The following CXADR variants were observed in gnomAD, a reference collection of about 807,000 sequenced individuals.
CXADR encodes coxsackievirus and adenovirus receptor.
CXADR carries 20 observed loss-of-function variants against 40.3 expected under a neutral mutation model. The observed-to-expected ratio is 0.50, with a 90% CI of 0.35 to 0.72. The LOEUF (loss-of-function observed/expected upper bound fraction) is 0.72. CXADR is among the 30% of genes least tolerant of loss of function. The pLI, the probability that CXADR is intolerant of heterozygous loss-of-function variation, is 0.01. For missense variants in CXADR, 332 were observed against 449.1 expected, an observed-to-expected ratio of 0.74 and a Z score of 2.36; for synonymous variants, 150 against 161.3, an observed-to-expected ratio of 0.93 and a Z score of 0.53.
chr21:17,604,931 G>A, the CXADR span: 2 of 1,614,144 alleles, frequency 1.2e-6, no homozygotes, highest in Non-Finnish European at 1.7e-6. Context: ...TATACAAGAT[G>A]CAGCTGTTTT....
intron 3 of CXADR, among the ~76,000 whole-genome samples, chr21:17,557,350 GC>G (rs1263962633): frequency 6.6e-6 from 1 of 152,126 alleles, no homozygotes; most frequent in Admixed American, 6.5e-5. Context: ...CCTCCTCACA[GC>G]TCCCACTTCC....
intron 1 of CXADR, among the ~76,000 whole-genome samples, chr21:17,537,934 C>T (rs1375806310): frequency 4.6e-5 from 7 of 152,006 alleles, no homozygotes; most frequent in Admixed American, 1.3e-4. Context: ...GACATATGTT[C>T]TGGAGGAAGG....
intron 3 of CXADR, among the ~76,000 whole-genome samples, chr21:17,553,511 G>A (rs2060995854): frequency 6.6e-6 from 1 of 151,926 alleles, no homozygotes; most frequent in African/African-American, 2.4e-5. Context: ...ATATGGTAAT[G>A]TTGGAAATTT....
chr21:17,569,138 A>G lies in CXADR; in HGVS notation c.*3446A>G. 1.0e-6 allele frequency: 1 copy of G among 985,384 alleles called. No individual in the cohort carries two copies. Among genetic ancestry groups the G allele is most frequent in the Non-Finnish European group, 1.2e-6 (1 of 829,920 alleles). The allele number at this position is 985,384 out of a possible 1,614,324, so 61.0% of individuals were successfully genotyped here. A position where few individuals can be genotyped will look rare whatever the true frequency, so the allele number is the denominator to read the frequency against. ...TGTGTGGCTTCTTAAAAATATTCTC[A>G]GTGTCTTTTGTGTGCGTGCAGCATG... is the stretch of plus-strand genomic sequence containing the variant. On this transcript the variant is annotated 3_prime_UTR_variant, in exon 7 of 7. Coordinates refer to ENST00000284878, the MANE Select transcript of CXADR (RefSeq NM_001338.5).
intron 1 of CXADR, among the ~76,000 whole-genome samples, chr21:17,526,533 A>T (rs1002524041): frequency 6.6e-6 from 1 of 152,184 alleles, no homozygotes; most frequent in Non-Finnish European, 1.5e-5. Context: ...GCATTTATGG[A>T]AAGGTCCAAA....
rs1218576888 is a variant in CXADR, at chr21:17,567,848, TAA to T, written c.*2157_*2158del. ...AGTTATCATAGAAAGTGGACACGTA[TAA>T]GACTTTCCTTCCTTTTTTTTTTTAA... On this transcript the variant is annotated 3_prime_UTR_variant, in exon 7 of 7. Transcript: ENST00000284878. 1 of 951,816 alleles carries T rather than the reference TAA, an allele frequency of 1.1e-6. No individual in the cohort carries two copies. The highest frequency in any genetic ancestry group is 1.3e-4 in the East Asian group (1 of 7,884). 59.0% of individuals were successfully genotyped at this position (951,816 alleles called of 1,614,324 possible).
chr21:17,608,871 T>C, the CXADR span: 1 of 1,161,414 alleles, frequency 8.6e-7, no homozygotes. Context: ...ATTTTGCAGA[T>C]GAAACACCTG....
intron 1 of CXADR, among the ~76,000 whole-genome samples, chr21:17,538,957 T>C (rs1235033353): frequency 6.6e-6 from 1 of 152,198 alleles, no homozygotes; most frequent in African/African-American, 2.4e-5. Context: ...AATAGTGGCC[T>C]GGATATAGGT....
At chr21:17,561,581 T>G in intron 6 of CXADR, 105 bp downstream of exon 6, 1 of 1,006,934 alleles carries the variant, frequency 9.9e-7, no homozygotes, top group Non-Finnish European at 1.4e-6. Context: ...CTTAGGAGAA[T>G]GGGTAAAAGC....
chr21:17,574,251 A>G (rs887959802), downstream of CXADR, among the ~76,000 whole-genome samples: 2 of 152,224 alleles, frequency 1.3e-5, no homozygotes, highest in African/African-American at 2.4e-5. Context: ...TAGGTCATCT[A>G]TTTCACAGAA....
chr21:17,520,026 A>T (rs1031155023), intron 1 of CXADR, among the ~76,000 whole-genome samples: 14 of 151,922 alleles, frequency 9.2e-5, no homozygotes, highest in Non-Finnish European at 1.6e-4. Context: ...TATATATATA[A>T]AATATATATT....
intron 7 of CXADR, among the ~76,000 whole-genome samples, chr21:17,592,900 C>T (rs535078344): frequency 1.3e-5 from 2 of 151,854 alleles, no homozygotes; most frequent in African/African-American, 4.8e-5. Flanking sequence ...TGAGCTATAC[C>T]TTTATGATTT....
rs1435793923 is a variant in CXADR, at chr21:17,592,847, T to C, written c.1018-305T>C. 2.0e-5 allele frequency among the ~76,000 whole-genome samples: 3 copies of C among 146,764 alleles called. No homozygotes were observed. The East Asian group carries it at 6.0e-4, about 29-fold the overall frequency. ...AAGTCTCTAAGGTTTAAAAATGAGT[T>C]TTCTGAAGTTGCAAACTTTAAAAAC... On this transcript the variant is annotated intron_variant, in intron 7 of 7. Transcript: ENST00000400169.
At chr21:17,531,520 A>C (rs552195143) in intron 1 of CXADR, among the ~76,000 whole-genome samples, 2 of 151,954 alleles carry the variant, frequency 1.3e-5, no homozygotes, top group African/African-American at 4.8e-5. Flanking sequence ...AGCTTTATCA[A>C]CTCTCAGCTC....
At chr21:17,604,178 T>C in the CXADR span, 1 of 1,265,020 alleles carries the variant, frequency 7.9e-7, no homozygotes. Context: ...GCGCAGTGGC[T>C]CACGCCTGTA....
At chr21:17,519,099 A>C (rs977403907) in intron 1 of CXADR, 7 of 814,668 alleles carry the variant, frequency 8.6e-6, no homozygotes, top group East Asian at 2.7e-5. Flanking sequence ...TCCTGCGATT[A>C]TACCACCATC....
intron 3 of CXADR, 29 bp from the exon 4 acceptor site, chr21:17,558,947 G>A: frequency 6.3e-7 from 1 of 1,588,378 alleles, no homozygotes; most frequent in Non-Finnish European, 8.6e-7. Flanking sequence ...ATTCTCTTAT[G>A]TAAATTTATA....
the CXADR span, among the ~76,000 whole-genome samples, chr21:17,600,101 T>C: frequency 6.6e-6 from 1 of 152,212 alleles, no homozygotes; most frequent in South Asian, 2.1e-4. Context: ...TTTGATTTTT[T>C]TTAAGTTGTC....
the CXADR span, among the ~76,000 whole-genome samples, chr21:17,629,808 TAAAC>T: frequency 1.4e-5 from 2 of 144,740 alleles, no homozygotes; most frequent in South Asian, 2.2e-4. Flanking sequence ...CCTGGCGCTA[TAAAC>T]AAACAAACAA....
Sources: gnomAD v4.1 joint callset for allele counts (sites outside exome capture counted in the v4.1 genomes callset) on GRCh38, gnomAD v4.1.1 for gene constraint, MANE v1.5 for transcripts, NCBI Gene and HGNC (gene_info 2026-07-23, HGNC 2026-07-21) for gene names.